NPSR1: variants seen among roughly 807,000 people sequenced by gnomAD.
NPSR1 encodes the protein neuropeptide S receptor.
NPSR1 carries 48 observed loss-of-function variants against 46.9 expected under a neutral mutation model. The ratio of observed to expected loss-of-function variants is 1.02; its 90% CI spans 0.81 to 1.30. NPSR1 has a LOEUF of 1.30. NPSR1 is among the 50% of genes most tolerant of loss of function. The pLI is 0.00. For missense variants in NPSR1, 450 were observed against 449.5 expected (o/e 1.00, Z -0.01); for synonymous variants, 176 against 168.1 (o/e 1.05, Z -0.36).
intron 8 of NPSR1, among the ~76,000 whole-genome samples, chr7:34,865,403 T>C (rs1417461358): frequency 6.6e-6 from 1 of 151,558 alleles, no homozygotes; most frequent in Admixed American, 6.6e-5. Context: ...GCTCCCCCCA[T>C]GAAAAAGAGG....
intron 3 of NPSR1, among the ~76,000 whole-genome samples, chr7:34,810,941 T>G (rs1788951646): frequency 6.6e-6 from 1 of 152,148 alleles, no homozygotes; most frequent in Non-Finnish European, 1.5e-5. Context: ...TATGGCTCTC[T>G]GTTCAGCTTC....
intron 2 of NPSR1, among the ~76,000 whole-genome samples, chr7:34,745,655 A>G (rs1434732712): frequency 6.6e-6 from 1 of 152,144 alleles, no homozygotes; most frequent in Non-Finnish European, 1.5e-5. Context: ...AGTAGCTGGA[A>G]CTATAGGTGT....
At chr7:34,854,792 T>C (rs754057379), downstream of NPSR1, among the ~76,000 whole-genome samples, 4 of 152,122 alleles carry the variant, frequency 2.6e-5, no homozygotes, top group African/African-American at 7.2e-5. Context: ...TTGAGCAACA[T>C]GAATAACACA....
chr7:34,811,630 A>T, intron 3 of NPSR1, 140 bp from the exon 4 acceptor site: 1 of 566,546 alleles, frequency 1.8e-6, no homozygotes, highest in South Asian at 2.5e-5. Flanking sequence ...TAAGAGAGTT[A>T]TTTCCCTTCC....
chr7:34,678,742 C>T (rs1000933149), intron 1 of NPSR1, among the ~76,000 whole-genome samples: 4 of 151,644 alleles, frequency 2.6e-5, no homozygotes, highest in Admixed American at 6.6e-5. Flanking sequence ...AGGAGAATGG[C>T]GTGAACCCGG....
chr7:34,710,294 T>C (rs1218434543), intron 2 of NPSR1, among the ~76,000 whole-genome samples: 1 of 152,186 alleles, frequency 6.6e-6, no homozygotes, highest in Non-Finnish European at 1.5e-5. Context: ...CACCCCAACC[T>C]CCTAAGACTA....
chr7:34,668,629 A>C (rs1791879252), intron 1 of NPSR1, among the ~76,000 whole-genome samples: 1 of 152,204 alleles, frequency 6.6e-6, no homozygotes, highest in Non-Finnish European at 1.5e-5. Flanking sequence ...TTTGTTTCCT[A>C]CTCATGTCCC....
At chr7:34,790,743 TATA>T (rs1787722079) in intron 3 of NPSR1, among the ~76,000 whole-genome samples, 2 of 122,846 alleles carry the variant, frequency 1.6e-5, no homozygotes, top group Non-Finnish European at 3.3e-5. Context: ...ATATGTTATA[TATA>T]ATATATGTTA....
intron 3 of NPSR1, among the ~76,000 whole-genome samples, chr7:34,808,232 T>C (rs548661428): frequency 5.3e-5 from 8 of 152,314 alleles, no homozygotes; most frequent in South Asian, 4.1e-4. Context: ...TTTTGCCCAG[T>C]AGAACTAATT....
chr7:34,764,534 C>T (rs191945375), intron 2 of NPSR1, among the ~76,000 whole-genome samples: 5 of 152,142 alleles, frequency 3.3e-5, no homozygotes, highest in Admixed American at 6.5e-5. Context: ...AGAGACTATA[C>T]GCAAGTGTGC....
intron 8 of NPSR1, among the ~76,000 whole-genome samples, chr7:34,876,442 A>T (rs2128771383): frequency 6.6e-6 from 1 of 152,322 alleles, no homozygotes; most frequent in Non-Finnish European, 1.5e-5. Context: ...TTGACACATA[A>T]ACTGTGAATT....
At chr7:34,850,951 G>A (rs1463467330), downstream of NPSR1, among the ~76,000 whole-genome samples, 2 of 152,106 alleles carry the variant, frequency 1.3e-5, no homozygotes, top group Admixed American at 6.6e-5. Context: ...GACAGATCTG[G>A]AGTTTGGTAC....
intron 3 of NPSR1, chr7:34,779,527 GT>G: frequency 9.5e-7 from 1 of 1,052,930 alleles, no homozygotes; most frequent in Non-Finnish European, 1.3e-6. Flanking sequence ...TTTTTCATTG[GT>G]TTTATTATTT....
chr7:34,837,718 T>C (rs866040353), intron 6 of NPSR1, among the ~76,000 whole-genome samples: 1 of 152,180 alleles, frequency 6.6e-6, no homozygotes, highest in Non-Finnish European at 1.5e-5. Flanking sequence ...GGTATTCAAA[T>C]GCACACATAT....
downstream of NPSR1, among the ~76,000 whole-genome samples, chr7:34,853,926 A>G (rs1031342244): frequency 7.9e-5 from 12 of 151,754 alleles, no homozygotes; most frequent in African/African-American, 2.9e-4. Context: ...AGATCGCACC[A>G]TTGCACTCTG....
chr7:34,663,067 C>CTGTGTGTGTG (rs1425497014), intron 1 of NPSR1, among the ~76,000 whole-genome samples: 20 of 99,400 alleles, frequency 2.0e-4, no homozygotes, highest in South Asian at 3.0e-4. Context: ...CTCTCTCTCT[C>CTGTGTGTGTG]TGTGTGTGTG....
At chr7:34,792,465 G>A (rs529233522) in intron 3 of NPSR1, among the ~76,000 whole-genome samples, 63 of 147,518 alleles carry the variant, frequency 4.3e-4, no homozygotes, top group African/African-American at 1.3e-3. Context: ...TTCAAGACCC[G>A]CCAGGGAAAC....
intron 8 of NPSR1, among the ~76,000 whole-genome samples, chr7:34,872,212 C>T (rs888006973): frequency 6.6e-6 from 1 of 151,968 alleles, no homozygotes; most frequent in Non-Finnish European, 1.5e-5. Context: ...GAGCTGCAGC[C>T]CAAGCTGTAC....
rs528391117 is a variant in NPSR1, at chr7:34,825,824, G to C, written c.479-1577G>C. 2.2e-3 allele frequency among the ~76,000 whole-genome samples: 339 copies of C among 152,236 alleles called. 6 individuals are homozygous for C. The highest frequency in any genetic ancestry group is 7.8e-3 in the African/African-American group (325 of 41,530). On this transcript the variant is annotated intron_variant, in intron 4 of 8. Coordinates refer to ENST00000360581, the MANE Select transcript of NPSR1 (RefSeq NM_207172.2). ...CCTCCTCCTGGTTCCCTGTACCCCA[G>C]CTCCAGAGAGACCCCAATGTGGATA...
Sources: allele counts gnomAD v4.1 joint callset (sites outside exome capture counted in the v4.1 genomes callset), GRCh38; gene constraint gnomAD v4.1.1; transcripts MANE v1.5; gene names NCBI Gene and HGNC (gene_info 2026-07-23, HGNC 2026-07-21).